SUPT7L: variants seen among roughly 807,000 people sequenced by gnomAD.
SUPT7L encodes STAGA complex 65 subunit gamma.
A neutral mutation model predicts 35.7 loss-of-function variants in SUPT7L; 15 were observed. That is an observed-to-expected ratio of 0.42 (90% CI 0.28 to 0.65). The LOEUF (loss-of-function observed/expected upper bound fraction) is 0.65, where lower values mean the gene tolerates loss of function less well. Ranked by LOEUF, SUPT7L falls within the 30% of genes least tolerant of loss-of-function variation. The pLI is 0.23. For synonymous variants in SUPT7L, 168 were observed against 186.2 expected, an observed-to-expected ratio of 0.90 and a Z score of 0.79; for missense variants, 434 against 522.2, an observed-to-expected ratio of 0.83 and a Z score of 1.65.
chr2:27,644,935 G>C, the SUPT7L span, among the ~76,000 whole-genome samples: 4 of 151,886 alleles, frequency 2.6e-5, no homozygotes, highest in South Asian at 4.2e-4. Flanking sequence ...ATGCATACTT[G>C]AGTATACTTC....
chr2:27,653,749 T>C lies in SUPT7L; in HGVS notation c.983-2A>G. ...GAGGAGAAGCATTTACCTCTGCACC[T>C]AGAAACAGAGGAAAGATGGACATAC... On this transcript the variant is annotated splice_acceptor_variant, in intron 5 of 5. Transcript: ENST00000337768. LOFTEE classifies it high-confidence loss of function. 2 of 1,614,180 alleles carry C rather than the reference T, an allele frequency of 1.2e-6. No homozygotes were observed. Among genetic ancestry groups the C allele is most frequent in the African/African-American group, 1.3e-5 (1 of 75,046 alleles).
chr2:27,653,478 T>C lies in SUPT7L; in HGVS notation c.*7A>G. ...AGGTCTGGACAAAACATCTCCCTCT[T>C]TTCCTTTTATATTTTCCTCATCCTC... is the stretch of plus-strand genomic sequence containing the variant. On this transcript the variant is annotated 3_prime_UTR_variant, in exon 6 of 6. Coordinates refer to ENST00000337768, the MANE Select transcript of SUPT7L (RefSeq NM_014860.3). 6.2e-7 allele frequency: 1 copy of C among 1,611,810 alleles called. No homozygotes were observed. Among genetic ancestry groups the C allele is most frequent in the Non-Finnish European group, 8.5e-7 (1 of 1,178,942 alleles).
rs538748908 is a variant in SUPT7L, at chr2:27,659,848, T to C, written c.419+1136A>G. Among the ~76,000 whole-genome samples, 2 of 152,328 alleles carry C rather than the reference T, an allele frequency of 1.3e-5. 1 individual carries two copies. Among genetic ancestry groups the C allele is most frequent in the African/African-American group, 4.8e-5 (2 of 41,558 alleles). On this transcript the variant is annotated intron_variant, in intron 3 of 5. Transcript: ENST00000337768. The stretch of plus-strand genomic sequence containing the variant: ...GTATACACACACATATGTGAGAAAG[T>C]AAATGTGGCAAAATGTTAAACATTA...
Position 27,653,557 on chromosome 2 carries a change from G to A in SUPT7L, c.1173C>T (p.His391=). 1 of 1,614,224 alleles carries A rather than the reference G, an allele frequency of 6.2e-7. No individual in the cohort carries two copies. The highest frequency in any genetic ancestry group is 1.3e-5 in the African/African-American group (1 of 75,052). The part of the protein sequence containing the change: ...PDDSDSSYGS[H]STDSLMGSSP... Reference sequence around the variant, plus strand: ...AGGACCCCATGAGGCTGTCAGTGGAGTGGGAACCATAGCTGCTATCTGAGT... The same window carrying A: ...AGGACCCCATGAGGCTGTCAGTGGAATGGGAACCATAGCTGCTATCTGAGT... Residue 391 remains histidine, a synonymous_variant, in exon 6 of 6, where the codon CAC becomes CAT. Transcript: ENST00000337768.
Position 27,657,285 on chromosome 2 carries a change from T to G in SUPT7L, c.744+60A>C. The G allele has an allele frequency of 6.4e-7, 1 of 1,559,174 alleles. No homozygotes were observed. Among genetic ancestry groups the G allele is most frequent in the Non-Finnish European group, 8.7e-7 (1 of 1,145,430 alleles). On this transcript the variant is annotated intron_variant, in intron 4 of 5. Transcript: ENST00000337768. The surrounding 1 kb of genome is among the most constrained non-coding windows in gnomAD (Gnocchi z 5.2). ...CTCTAGACCAAGTGTTGTGGGATCC[T>G]GCTGAACACTCCGAGATTGCACAGA... is the stretch of plus-strand genomic sequence containing the variant.
chr2:27,647,272 C>G (rs984899624), downstream of SUPT7L, among the ~76,000 whole-genome samples: 1 of 152,210 alleles, frequency 6.6e-6, no homozygotes, highest in African/African-American at 2.4e-5. Context: ...TCTCTGATTA[C>G]TGGAGCTCAG....
chr2:27,662,406 A>T (rs1675153533), intron 1 of SUPT7L, 125 bp from the exon 2 acceptor site: 1 of 538,110 alleles, frequency 1.9e-6, no homozygotes, highest in Middle Eastern at 3.9e-4. Context: ...TGAAATGACT[A>T]CCTTTGTTCT....
chr2:27,659,727 T>TA (rs1357168328), intron 3 of SUPT7L, among the ~76,000 whole-genome samples: 10 of 152,110 alleles, frequency 6.6e-5, no homozygotes, highest in African/African-American at 2.2e-4. Flanking sequence ...AGGGGTGAAA[T>TA]ATGGTGATGT....
At chr2:27,653,872 T>A in intron 5 of SUPT7L, 125 bp from the exon 6 acceptor site, 1 of 1,241,380 alleles carries the variant, frequency 8.1e-7, no homozygotes, top group Non-Finnish European at 1.1e-6. Context: ...TCTGATTCTG[T>A]ACTTGGCTGG....
Position 27,662,276 on chromosome 2 carries a change from C to T in SUPT7L, c.-84G>A, listed in dbSNP as rs1236414014. On this transcript the variant is annotated 5_prime_UTR_variant, in exon 2 of 6. Coordinates refer to ENST00000337768, the MANE Select transcript of SUPT7L (RefSeq NM_014860.3). Reference sequence around the variant, plus strand: ...GGTCAAAGACTGATAATGTGAGATCCTTGCCCTGAAGTGAGGAAGAGAAAC... The same window carrying T: ...GGTCAAAGACTGATAATGTGAGATCTTTGCCCTGAAGTGAGGAAGAGAAAC... The T allele has an allele frequency of 8.9e-6, 13 of 1,454,316 alleles. No homozygotes were observed. Among genetic ancestry groups the T allele is most frequent in the Non-Finnish European group, 1.3e-5 (13 of 1,035,104 alleles). The allele number at this position is 1,454,316 out of a possible 1,614,324, so 90.1% of individuals were successfully genotyped here. A position where few individuals can be genotyped will look rare whatever the true frequency, so the allele number is the denominator to read the frequency against.
chr2:27,663,431 C>T lies in SUPT7L; in HGVS notation c.-192G>A. On this transcript the variant is annotated 5_prime_UTR_variant, in exon 1 of 6. Transcript: ENST00000337768. ...CCGGCGCAGGCGCCAATCACAGGGT[C>T]CTGAGGTCGCCTGACGTTCAGGGCA... The T allele has an allele frequency of 3.1e-6, 1 of 324,982 alleles. No homozygotes were observed. The highest frequency in any genetic ancestry group is 3.0e-5 in the South Asian group (1 of 33,062). 20.1% of individuals were successfully genotyped at this position (324,982 alleles called of 1,614,324 possible).
chr2:27,645,163 G>A, the SUPT7L span, among the ~76,000 whole-genome samples: 3 of 152,110 alleles, frequency 2.0e-5, no homozygotes, highest in African/African-American at 7.2e-5. Flanking sequence ...TAGAGACGAG[G>A]TCTCACCATG....
Position 27,653,350 on chromosome 2 carries a change from T to C in SUPT7L, c.*135A>G. 1.5e-6 allele frequency: 2 copies of C among 1,300,032 alleles called. No individual in the cohort carries two copies. The highest frequency in any genetic ancestry group is 2.1e-6 in the Non-Finnish European group (2 of 957,442). The allele number at this position is 1,300,032 out of a possible 1,614,324, so 80.5% of individuals were successfully genotyped here. Reference sequence around the variant, plus strand: ...TGCAACCTTGTTTGGTGACGTCCAGTTCCTCTGGAATTAGGAAAAACCACT... The same window carrying C: ...TGCAACCTTGTTTGGTGACGTCCAGCTCCTCTGGAATTAGGAAAAACCACT... On this transcript the variant is annotated 3_prime_UTR_variant, in exon 6 of 6. Coordinates refer to ENST00000337768, the MANE Select transcript of SUPT7L (RefSeq NM_014860.3).
the SUPT7L span, among the ~76,000 whole-genome samples, chr2:27,644,553 T>A: frequency 0.057 from 8,690 of 152,136 alleles, 681 homozygotes; most frequent in African/African-American, 0.18. Flanking sequence ...TTTTTTTTTA[T>A]AGATTTGTCT....
the SUPT7L span, among the ~76,000 whole-genome samples, chr2:27,645,272 ATTT>A: frequency 6.7e-6 from 1 of 148,374 alleles, no homozygotes; most frequent in Non-Finnish European, 1.5e-5. Flanking sequence ...TCCCCAGCCC[ATTT>A]TTTTTTTCTT....
At chr2:27,650,232 A>G (rs375952627), downstream of SUPT7L, 2 of 1,334,316 alleles carry the variant, frequency 1.5e-6, no homozygotes, top group African/African-American at 2.9e-5. Flanking sequence ...TGTTTCTAGA[A>G]GTCCAGAATT....
At chr2:27,647,829 A>G, downstream of SUPT7L, 1 of 1,572,232 alleles carries the variant, frequency 6.4e-7, no homozygotes, top group Non-Finnish European at 8.8e-7. Flanking sequence ...AGGTGTTTTC[A>G]CTGTAGACAG....
rs1674845121 is a variant in SUPT7L at position 27,657,216 on chromosome 2, AAAGT to A, written c.744+125_744+128del. 9.5e-7 allele frequency: 1 copy of A among 1,052,088 alleles called. No homozygotes were observed. Among genetic ancestry groups the A allele is most frequent in the Non-Finnish European group, 1.3e-6 (1 of 742,052 alleles). The allele number at this position is 1,052,088 out of a possible 1,614,324, so 65.2% of individuals were successfully genotyped here. A position where few individuals can be genotyped will look rare whatever the true frequency, so the allele number is the denominator to read the frequency against. On this transcript the variant is annotated intron_variant, in intron 4 of 5. Transcript: ENST00000337768. This position sits in a 1 kb window ranked among gnomAD's most constrained non-coding sequence, Gnocchi z 5.2. Reference sequence around the variant, plus strand: ...CAGGAACATCGCTAGGGCCATCATAAAAGTATGTTAAGTTCACTCTGTTCCAAGA... The same window carrying A: ...CAGGAACATCGCTAGGGCCATCATAAATGTTAAGTTCACTCTGTTCCAAGA...
chr2:27,654,514 C>T (rs1298577214), intron 5 of SUPT7L, among the ~76,000 whole-genome samples: 1 of 152,150 alleles, frequency 6.6e-6, no homozygotes, highest in Non-Finnish European at 1.5e-5. Flanking sequence ...GTCCTGGCTC[C>T]TAAGGTAATC....
Sources: allele counts gnomAD v4.1 joint callset (sites outside exome capture counted in the v4.1 genomes callset), GRCh38; gene constraint gnomAD v4.1.1; non-coding constraint Gnocchi (gnomAD v3.1); transcripts MANE v1.5; gene names NCBI Gene and HGNC (gene_info 2026-07-23, HGNC 2026-07-21).